TCAF1: variants seen among roughly 807,000 people sequenced by gnomAD.
TCAF1 encodes the protein TRPM8 channel associated factor 1, also known as TRPM8 channel-associated factor 1.
Under a neutral mutation model 27.3 loss-of-function variants are expected in TCAF1, and 4 were observed. The observed-to-expected ratio is 0.15, with a 90% confidence interval of 0.07 to 0.34. The LOEUF (loss-of-function observed/expected upper bound fraction) is 0.34. TCAF1 is among the 10% of genes least tolerant of loss of function. TCAF1 has a pLI of 1.00. For synonymous variants in TCAF1, 105 were observed against 167.1 expected (o/e 0.63, Z 2.87); for missense variants, 257 against 425.8 (o/e 0.60, Z 3.49).
intron 1 of TCAF1, chr7:143,885,389 G>C: frequency 1.0e-6 from 1 of 985,442 alleles, no homozygotes; most frequent in Non-Finnish European, 1.2e-6. Flanking sequence ...GGGCGTCCCC[G>C]GGAGCTGATT....
chr7:143,889,041 AGAC>A (rs1306655528), intron 1 of TCAF1, among the ~76,000 whole-genome samples: 1 of 152,226 alleles, frequency 6.6e-6, no homozygotes, highest in Non-Finnish European at 1.5e-5. Flanking sequence ...TTTATTGAAG[AGAC>A]TAAATAGAAG....
intron 1 of TCAF1, among the ~76,000 whole-genome samples, chr7:143,896,343 A>C (rs1382187637): frequency 6.6e-6 from 1 of 152,008 alleles, no homozygotes; most frequent in African/African-American, 2.4e-5. Flanking sequence ...AAGATATATG[A>C]AGCAAAAATA....
intron 1 of TCAF1, among the ~76,000 whole-genome samples, chr7:143,881,352 T>C (rs2116805930): frequency 6.6e-6 from 1 of 152,324 alleles, no homozygotes; most frequent in East Asian, 1.9e-4. Context: ...CCTCGAAAAC[T>C]GGTTTATATT....
chr7:143,876,162 G>A lies in TCAF1; in HGVS notation c.447C>T (p.Leu149=), dbSNP rs371535446. 4.2e-5 allele frequency: 67 copies of A among 1,614,188 alleles called. No homozygotes were observed. The East Asian group carries it at 7.6e-4, about 18-fold the overall frequency. ...CCCAATCCCAGGCTTGTCCTCCTAT[G>A]AGCAAGCCGCCACCACATTTCATGA... ...VKFMKCGGGL[L]IGGQAWDWAN... is the part of the protein sequence containing the mutation. Residue 149 remains leucine (L), a synonymous_variant, in exon 2 of 9, where the codon CTC becomes CTT. Coordinates refer to ENST00000479870, the MANE Select transcript of TCAF1 (RefSeq NM_014719.3).
Position 143,876,132 on chromosome 7 carries a change from G to C in TCAF1, c.477C>G (p.Asn159Lys). 1 of 1,614,174 alleles carries C rather than the reference G, an allele frequency of 6.2e-7. No individual in the cohort carries two copies. The highest frequency in any genetic ancestry group is 8.5e-7 in the Non-Finnish European group (1 of 1,180,024). ...ACAGAACCCTTTCATCCTCCCCCTG[G>C]TTGGCCCAATCCCAGGCTTGTCCTC... ...LIGGQAWDWA[N>K]QGEDERVLFT... Residue 159 changes from asparagine (N) to lysine (K), a missense_variant, in exon 2 of 9, where the codon AAC becomes AAG. By Grantham distance (94) the Asn-to-Lys change is moderately conservative. Transcript: ENST00000479870.
chr7:143,882,024 C>T (rs1320271623), intron 1 of TCAF1: 1 of 152,174 alleles, frequency 6.6e-6, no homozygotes, highest in Non-Finnish European at 1.5e-5. Flanking sequence ...GTTCTAAACT[C>T]CCAGAGGCTG....
chr7:143,885,443 C>G (rs1277128509), intron 1 of TCAF1: 31 of 985,320 alleles, frequency 3.1e-5, no homozygotes, highest in Non-Finnish European at 3.7e-5. Flanking sequence ...GCCCCCGGAC[C>G]GCAGAGGCCC....
chr7:143,874,644 A>G (rs1476279154), intron 2 of TCAF1, among the ~76,000 whole-genome samples: 1 of 151,554 alleles, frequency 6.6e-6, no homozygotes, highest in African/African-American at 2.4e-5. Context: ...AGGAGCTTCT[A>G]TGCCACCACT....
chr7:143,886,954 G>C (rs527384695), intron 1 of TCAF1, among the ~76,000 whole-genome samples: 24 of 147,828 alleles, frequency 1.6e-4, no homozygotes, highest in African/African-American at 5.8e-4. Context: ...TGATCCTCCT[G>C]CTTCCGCTCC....
At chr7:143,881,490 A>T (rs180727938) in intron 1 of TCAF1, among the ~76,000 whole-genome samples, 1 of 152,030 alleles carries the variant, frequency 6.6e-6, no homozygotes, top group Admixed American at 6.5e-5. Context: ...CCTTTTTTGA[A>T]TTCTGTCCTA....
intron 1 of TCAF1, among the ~76,000 whole-genome samples, chr7:143,890,393 G>C (rs989133408): frequency 6.6e-6 from 1 of 152,150 alleles, no homozygotes; most frequent in South Asian, 2.1e-4. Context: ...GCTTACAAAA[G>C]TGTCTTGAAC....
intron 1 of TCAF1, among the ~76,000 whole-genome samples, chr7:143,893,692 T>G (rs927628871): frequency 6.6e-6 from 1 of 151,820 alleles, no homozygotes; most frequent in East Asian, 1.9e-4. Flanking sequence ...CAATGGAAAT[T>G]AGAAAATATC....
At chr7:143,885,099 G>C (rs926338418) in intron 1 of TCAF1, 43 of 985,360 alleles carry the variant, frequency 4.4e-5, no homozygotes, top group African/African-American at 7.0e-5. Flanking sequence ...CCGACCCAGT[G>C]CCTCCTTCTC....
intron 6 of TCAF1, among the ~76,000 whole-genome samples, chr7:143,860,003 TA>T (rs1811896226): frequency 2.9e-4 from 2 of 6,854 alleles, no homozygotes; most frequent in Non-Finnish European, 6.1e-4. Context: ...TATTATATAA[TA>T]TATATATAAT....
intron 6 of TCAF1, among the ~76,000 whole-genome samples, chr7:143,859,864 C>CATATATATATAT (rs1229710456): frequency 5.3e-5 from 4 of 74,886 alleles, no homozygotes; most frequent in African/African-American, 1.8e-4. Context: ...GTTTTATATA[C>CATATATATATAT]ACATATACAT....
intron 6 of TCAF1, among the ~76,000 whole-genome samples, chr7:143,859,915 GGAATATATATTATATAATA>G (rs1811822568): frequency 6.2e-5 from 2 of 32,310 alleles, no homozygotes; most frequent in Non-Finnish European, 9.9e-5. Context: ...TATATATTAC[GGAATATATATTATATAATA>G]TATATTATAT....
chr7:143,878,167 T>C (rs1036836697), intron 1 of TCAF1, among the ~76,000 whole-genome samples: 2 of 152,218 alleles, frequency 1.3e-5, no homozygotes, highest in African/African-American at 4.8e-5. Context: ...TTCATAAGTA[T>C]TATTTATATG....
chr7:143,889,623 C>T (rs1192718571), intron 1 of TCAF1, among the ~76,000 whole-genome samples: 2 of 152,164 alleles, frequency 1.3e-5, no homozygotes, highest in African/African-American at 4.8e-5. Flanking sequence ...AAAGCAATGG[C>T]TACCAAGAGG....
chr7:143,875,076 A>C (rs1586764850), intron 2 of TCAF1, among the ~76,000 whole-genome samples: 1 of 152,182 alleles, frequency 6.6e-6, no homozygotes, highest in East Asian at 1.9e-4. Flanking sequence ...TGCCAAGGAG[A>C]AGTCATAGCT....
Sources: allele counts gnomAD v4.1 joint callset (sites outside exome capture counted in the v4.1 genomes callset), GRCh38; gene constraint gnomAD v4.1.1; transcripts MANE v1.5; gene names NCBI Gene and HGNC (gene_info 2026-07-23, HGNC 2026-07-21).